LAMC3: variants seen among roughly 807,000 people sequenced by gnomAD.
The protein encoded by LAMC3 is laminin subunit gamma-3.
Under a neutral mutation model 173.8 loss-of-function variants are expected in LAMC3, and 128 were observed. That is an observed-to-expected ratio of 0.74 (90% CI 0.64 to 0.85). The LOEUF is 0.85. Among genes scored for constraint, LAMC3 ranks in the 40% least tolerant of loss-of-function variants. The pLI, the probability that LAMC3 is intolerant of heterozygous loss-of-function variation, is 0.00. For missense variants in LAMC3, 2,022 were observed against 2,156.0 expected (o/e 0.94, Z 1.23); for synonymous variants, 897 against 909.1 (o/e 0.99, Z 0.24).
intron 3 of LAMC3, 145 bp downstream of exon 3, chr9:131,032,320 C>T (rs1034386452): frequency 2.6e-6 from 2 of 759,134 alleles, no homozygotes; most frequent in Non-Finnish European, 4.5e-6. Context: ...CCATTCGAGG[C>T]CCTGGGGGTC....
chr9:131,037,224 A>G (rs1400607170), intron 4 of LAMC3, among the ~76,000 whole-genome samples: 1 of 152,186 alleles, frequency 6.6e-6, no homozygotes, highest in Non-Finnish European at 1.5e-5. Flanking sequence ...GTGGGGACAC[A>G]GAGGCCAGAC....
chr9:131,025,092 G>T (rs1218233257), intron 1 of LAMC3, among the ~76,000 whole-genome samples: 2 of 152,136 alleles, frequency 1.3e-5, no homozygotes, highest in African/African-American at 4.8e-5. Flanking sequence ...CCCGCTCTCA[G>T]TGTAGAAGCC....
rs1833787626 is a variant in LAMC3 at position 131,029,409 on chromosome 9, C to G, written c.679-2636C>G. Reference sequence around the variant, plus strand: ...AGGGAGGGCCGGCCCCCGCTCCCACCTGCGTCTGTGCAGCCACCACCGTGG... The same window carrying G: ...AGGGAGGGCCGGCCCCCGCTCCCACGTGCGTCTGTGCAGCCACCACCGTGG... On this transcript the variant is annotated intron_variant, in intron 2 of 27. Coordinates refer to ENST00000361069, the MANE Select transcript of LAMC3 (RefSeq NM_006059.4). This position sits in a 1 kb window ranked among gnomAD's most constrained non-coding sequence, Gnocchi z 4.6. Among the ~76,000 whole-genome samples the G allele has an allele frequency of 6.6e-6, 1 of 152,240 alleles. No individual in the cohort carries two copies. The highest frequency in any genetic ancestry group is 6.5e-5 in the Admixed American group (1 of 15,288).
At chr9:131,020,602 C>T (rs1193892136) in intron 1 of LAMC3, among the ~76,000 whole-genome samples, 3 of 152,206 alleles carry the variant, frequency 2.0e-5, no homozygotes, top group Non-Finnish European at 4.4e-5. Context: ...CAAAACATGA[C>T]TGAGACATGA....
rs571785750 is a variant in LAMC3 at position 131,038,935 on chromosome 9, G to A, written c.1048G>A (p.Gly350Arg). The change falls in exon 5 of 28, where the codon GGG (glycine) becomes AGG (arginine). Residue 350 changes from glycine to arginine, a missense_variant. Transcript: ENST00000361069. ...GCTCTTCCGCAGCACAGGCCACGGCGGGCGCTGTCACCACTGCCGTGACCA... is the reference window on the plus strand; with the variant it reads ...GCTCTTCCGCAGCACAGGCCACGGCAGGCGCTGTCACCACTGCCGTGACCA... ...RELFRSTGHG[G>R]RCHHCRDHTA... The A allele has an allele frequency of 1.8e-5, 29 of 1,613,084 alleles. No individual in the cohort carries two copies. The East Asian group carries it at 2.0e-4, about 11-fold the overall frequency.
intron 14 of LAMC3, 111 bp downstream of exon 14, chr9:131,067,316 C>A: frequency 7.4e-7 from 1 of 1,345,986 alleles, no homozygotes; most frequent in Non-Finnish European, 1.0e-6. Context: ...CCAGCTGGCT[C>A]CTCTGCAAGG....
At chr9:131,036,471 G>A in intron 4 of LAMC3, 139 bp downstream of exon 4, 1 of 945,632 alleles carries the variant, frequency 1.1e-6, no homozygotes, top group Non-Finnish European at 1.6e-6. Context: ...TGCTGCTGCA[G>A]AGATAAGGAC....
chr9:131,069,157 A>G, intron 16 of LAMC3, 107 bp downstream of exon 16: 4 of 1,337,188 alleles, frequency 3.0e-6, no homozygotes, highest in Non-Finnish European at 4.3e-6. Flanking sequence ...GGATCGTCAG[A>G]CATGGGACAG....
At chr9:131,016,953 A>G (rs947579413) in intron 1 of LAMC3, among the ~76,000 whole-genome samples, 2 of 152,018 alleles carry the variant, frequency 1.3e-5, no homozygotes, top group Non-Finnish European at 2.9e-5. Context: ...TTTAAAAAGC[A>G]CCCGCCTTGC....
At position 131,057,067 on chromosome 9, in the gene LAMC3, G is replaced by A; in HGVS notation, c.2078G>A (p.Arg693Lys). The change falls in exon 12 of 28, where the codon AGG becomes AAG. Residue 693 changes from arginine to lysine, a missense_variant. Transcript: ENST00000361069. The stretch of plus-strand genomic sequence containing the variant: ...GAATCCTGTGCTCCGGGATACAAGA[G>A]GGAGATGCCACAGGGGGGTCCCTAT... The part of the protein sequence containing the change: ...FCESCAPGYK[R>K]EMPQGGPYAS... 6.2e-7 allele frequency: 1 copy of A among 1,614,174 alleles called. No individual in the cohort carries two copies. The highest frequency in any genetic ancestry group is 8.5e-7 in the Non-Finnish European group (1 of 1,180,038).
At chr9:131,083,865 CTTTTTTTTT>C (rs61109597) in intron 24 of LAMC3, among the ~76,000 whole-genome samples, 1 of 49,218 alleles carries the variant, frequency 2.0e-5, no homozygotes, top group Non-Finnish European at 3.5e-5. Flanking sequence ...GTAATAAGTG[CTTTTTTTTT>C]TTTTTTTTTT....
At chr9:131,022,334 T>G (rs903602761) in intron 1 of LAMC3, among the ~76,000 whole-genome samples, 2 of 152,048 alleles carry the variant, frequency 1.3e-5, no homozygotes, top group African/African-American at 4.8e-5. Flanking sequence ...TCCTCCCACC[T>G]TGGCCTCCCA....
intron 8 of LAMC3, among the ~76,000 whole-genome samples, chr9:131,047,998 G>A (rs537715671): frequency 1.6e-4 from 24 of 148,154 alleles, no homozygotes; most frequent in African/African-American, 5.2e-4. Flanking sequence ...CATCTGCCTC[G>A]GCCTCCCAGA....
At chr9:131,060,297 G>A (rs1334311483) in intron 12 of LAMC3, among the ~76,000 whole-genome samples, 4 of 152,120 alleles carry the variant, frequency 2.6e-5, no homozygotes, top group Admixed American at 6.6e-5. Context: ...ACAGTGTAGC[G>A]AATGGTAGCC....
At chr9:131,016,056 G>A (rs1833514261) in intron 1 of LAMC3, among the ~76,000 whole-genome samples, 1 of 152,184 alleles carries the variant, frequency 6.6e-6, no homozygotes, top group South Asian at 2.1e-4. Context: ...CCATCCAGTA[G>A]AATATTACTC....
intron 17 of LAMC3, among the ~76,000 whole-genome samples, chr9:131,070,866 A>G (rs1564385834): frequency 6.6e-6 from 1 of 152,192 alleles, no homozygotes; most frequent in Non-Finnish European, 1.5e-5. Flanking sequence ...CCTTTTTCAG[A>G]ACAGGTTTAT....
At chr9:131,081,844 C>T (rs953893983) in intron 23 of LAMC3, among the ~76,000 whole-genome samples, 12 of 152,188 alleles carry the variant, frequency 7.9e-5, no homozygotes, top group East Asian at 3.8e-4. Context: ...AGTTTTCCTC[C>T]GGGCTTTTGT....
chr9:131,074,730 A>G (rs1377383630), intron 20 of LAMC3, among the ~76,000 whole-genome samples: 1 of 150,926 alleles, frequency 6.6e-6, no homozygotes, highest in Non-Finnish European at 1.5e-5. Context: ...GCAGCTTAAG[A>G]TCCTAAAAAC....
intron 13 of LAMC3, among the ~76,000 whole-genome samples, chr9:131,065,647 G>A (rs898329512): frequency 4.6e-5 from 7 of 152,244 alleles, no homozygotes; most frequent in Admixed American, 2.6e-4. Flanking sequence ...AGTTGTGCCA[G>A]TGCAGCGGGA....
Sources: gnomAD v4.1 joint callset for allele counts (sites outside exome capture counted in the v4.1 genomes callset) on GRCh38, gnomAD v4.1.1 for gene constraint, Gnocchi (gnomAD v3.1) non-coding constraint, MANE v1.5 for transcripts, NCBI Gene and HGNC (gene_info 2026-07-23, HGNC 2026-07-21) for gene names.